Variants in CNTNAP5 observed in about 807,000 individuals in gnomAD.
CNTNAP5 encodes contactin-associated protein-like 5.
A neutral mutation model predicts 150.2 loss-of-function variants in CNTNAP5; 72 were observed. The ratio of observed to expected loss-of-function variants is 0.48; its 90% CI spans 0.40 to 0.58. The LOEUF (loss-of-function observed/expected upper bound fraction) is 0.58, where lower values mean the gene tolerates loss of function less well. Among genes scored for constraint, CNTNAP5 ranks in the 20% least tolerant of loss-of-function variants. The pLI, the probability that CNTNAP5 is intolerant of heterozygous loss-of-function variation, is 0.00. For synonymous variants in CNTNAP5, 672 were observed against 619.8 expected (o/e 1.08, Z -1.25); for missense variants, 1,636 against 1,626.2 (o/e 1.01, Z -0.10).
intron 6 of CNTNAP5, among the ~76,000 whole-genome samples, chr2:124,458,813 T>C (rs1015842413): frequency 1.3e-5 from 2 of 152,186 alleles, no homozygotes; most frequent in African/African-American, 2.4e-5. Flanking sequence ...ATGACTTTCA[T>C]ATGTATGAGA....
chr2:124,714,891 C>T (rs189515500), intron 13 of CNTNAP5, among the ~76,000 whole-genome samples: 53 of 152,178 alleles, frequency 3.5e-4, no homozygotes, highest in African/African-American at 1.3e-3. Flanking sequence ...TTTGCAAAGT[C>T]ATGTTTTTGA....
intron 10 of CNTNAP5, among the ~76,000 whole-genome samples, chr2:124,538,499 A>G (rs995682979): frequency 2.6e-5 from 4 of 151,598 alleles, no homozygotes; most frequent in African/African-American, 4.9e-5. Flanking sequence ...GAGAGAGAGA[A>G]AGAGAGACTC....
chr2:124,032,048 A>C (rs918496593), intron 1 of CNTNAP5, among the ~76,000 whole-genome samples: 3 of 152,206 alleles, frequency 2.0e-5, no homozygotes, highest in African/African-American at 7.2e-5. Flanking sequence ...AGAAATAATA[A>C]TGAATAAGAA....
rs999547185 is a variant in CNTNAP5 at position 124,040,216 on chromosome 2, G to C, written c.82+14484G>C. On this transcript the variant is annotated intron_variant, in intron 1 of 23. Coordinates refer to ENST00000682447, the MANE Select transcript of CNTNAP5 (RefSeq NM_001367498.1). ...GGTTATTTTTATACCTCTTTCACAT[G>C]GTTCTTTTGCCTAACAGATAGACTG... Among the ~76,000 whole-genome samples, 3 of 152,020 alleles carry C rather than the reference G, an allele frequency of 2.0e-5. No homozygotes were observed. The East Asian group carries it at 5.8e-4, about 29-fold the overall frequency.
chr2:124,313,154 A>G (rs888611294), intron 3 of CNTNAP5, among the ~76,000 whole-genome samples: 1 of 152,228 alleles, frequency 6.6e-6, no homozygotes, highest in African/African-American at 2.4e-5. Flanking sequence ...ATCGATATGT[A>G]ACAGTCACTC....
chr2:124,669,387 A>T (rs1181596128), intron 13 of CNTNAP5, among the ~76,000 whole-genome samples: 1 of 152,184 alleles, frequency 6.6e-6, no homozygotes, highest in African/African-American at 2.4e-5. Flanking sequence ...GCTTTACTTA[A>T]CTTCTAGAAT....
At chr2:124,170,047 G>A (rs1684894300) in intron 1 of CNTNAP5, among the ~76,000 whole-genome samples, 1 of 152,112 alleles carries the variant, frequency 6.6e-6, no homozygotes, top group Admixed American at 6.5e-5. Flanking sequence ...GTATATTTAG[G>A]GAAATGGGCT....
chr2:124,710,239 A>T (rs1027124756), intron 13 of CNTNAP5, among the ~76,000 whole-genome samples: 1 of 152,196 alleles, frequency 6.6e-6, no homozygotes, highest in Non-Finnish European at 1.5e-5. Flanking sequence ...GAAACTCTTT[A>T]TAATAAATCT....
chr2:124,138,919 C>A (rs1235786815), intron 1 of CNTNAP5, among the ~76,000 whole-genome samples: 1 of 151,902 alleles, frequency 6.6e-6, no homozygotes, highest in East Asian at 2.0e-4. Context: ...CAGTAGCAGC[C>A]TTTGCATAAT....
intron 1 of CNTNAP5, among the ~76,000 whole-genome samples, chr2:124,064,038 G>C (rs1237524502): frequency 6.6e-6 from 1 of 152,142 alleles, no homozygotes; most frequent in Non-Finnish European, 1.5e-5. Context: ...CAGACAGCCA[G>C]ACTTAGGATG....
intron 1 of CNTNAP5, among the ~76,000 whole-genome samples, chr2:124,139,848 G>C (rs544326471): frequency 1.9e-4 from 29 of 152,296 alleles, no homozygotes; most frequent in African/African-American, 6.5e-4. Flanking sequence ...CGCAGAAGAC[G>C]GGTGATTTCT....
At chr2:124,219,024 A>G (rs1558806356) in intron 1 of CNTNAP5, among the ~76,000 whole-genome samples, 1 of 152,164 alleles carries the variant, frequency 6.6e-6, no homozygotes, top group Admixed American at 6.6e-5. Context: ...TTAATTTGAA[A>G]TGATTAGGTT....
At chr2:124,302,210 A>G (rs1228514457) in intron 3 of CNTNAP5, among the ~76,000 whole-genome samples, 2 of 152,246 alleles carry the variant, frequency 1.3e-5, no homozygotes, top group African/African-American at 2.4e-5. Flanking sequence ...ATATTTGGTT[A>G]TAGAAATTCT....
intron 1 of CNTNAP5, among the ~76,000 whole-genome samples, chr2:124,154,888 T>C (rs954998005): frequency 1.3e-5 from 2 of 152,108 alleles, no homozygotes; most frequent in Non-Finnish European, 2.9e-5. Flanking sequence ...TTATCTGCTG[T>C]GGGGTCCAAG....
intron 3 of CNTNAP5, among the ~76,000 whole-genome samples, chr2:124,344,399 G>C (rs1394784314): frequency 6.6e-6 from 1 of 151,978 alleles, no homozygotes; most frequent in Non-Finnish European, 1.5e-5. Flanking sequence ...TACACTGCTG[G>C]AACAGACATT....
At chr2:124,358,062 T>G (rs1303958762) in intron 3 of CNTNAP5, among the ~76,000 whole-genome samples, 2 of 152,246 alleles carry the variant, frequency 1.3e-5, no homozygotes, top group South Asian at 4.2e-4. Context: ...TTATTCTCTT[T>G]GAAGCAACTG....
chr2:124,133,250 C>T (rs111496100), intron 1 of CNTNAP5, among the ~76,000 whole-genome samples: 1,842 of 152,228 alleles, frequency 0.012, 31 homozygotes, highest in African/African-American at 0.041. Context: ...ATAGCTCCTT[C>T]TGTTTTAAGT....
At chr2:124,861,700 G>A (rs991498582) in intron 19 of CNTNAP5, among the ~76,000 whole-genome samples, 3 of 152,134 alleles carry the variant, frequency 2.0e-5, no homozygotes, top group Non-Finnish European at 4.4e-5. Flanking sequence ...AACATGGATA[G>A]GACCTTTAAA....
chr2:124,315,942 C>A (rs188309535), intron 3 of CNTNAP5, among the ~76,000 whole-genome samples: 1 of 152,156 alleles, frequency 6.6e-6, no homozygotes, highest in Non-Finnish European at 1.5e-5. Flanking sequence ...CTCCTTCCTA[C>A]CTGCTGATGT....
Sources: allele counts gnomAD v4.1 joint callset (sites outside exome capture counted in the v4.1 genomes callset), GRCh38; gene constraint gnomAD v4.1.1; transcripts MANE v1.5; gene names NCBI Gene and HGNC (gene_info 2026-07-23, HGNC 2026-07-21).